The following TMTC1 variants were observed in gnomAD, a reference collection of about 807,000 sequenced individuals.
TMTC1 encodes protein O-mannosyl-transferase TMTC1.
A neutral mutation model predicts 104.8 loss-of-function variants in TMTC1; 73 were observed. That is an observed-to-expected ratio of 0.70 (90% CI 0.58 to 0.85). TMTC1 has a LOEUF of 0.85. Ranked by LOEUF, TMTC1 falls within the 40% of genes least tolerant of loss-of-function variation. TMTC1 has a pLI of 0.00. For missense variants in TMTC1, 1,035 were observed against 1,096.1 expected, an observed-to-expected ratio of 0.94 and a Z score of 0.79; for synonymous variants, 434 against 428.7, an observed-to-expected ratio of 1.01 and a Z score of -0.15.
intron 5 of TMTC1, chr12:29,661,419 A>ATTTTTTTTTTTTTTTTTTTTTTTTT (rs773889232): frequency 2.8e-6 from 1 of 355,502 alleles, no homozygotes; most frequent in African/African-American, 2.7e-5. Context: ...AGGTTAAGTA[A>ATTTTTTTTTTTTTTTTTTTTTTTTT]TTTTTTTTTT....
intron 5 of TMTC1, among the ~76,000 whole-genome samples, chr12:29,644,149 GTA>G (rs149004557): frequency 0.025 from 1,236 of 49,374 alleles, 63 homozygotes; most frequent in African/African-American, 0.074. Flanking sequence ...GTGTGTGTGT[GTA>G]TATATATATA....
intron 5 of TMTC1, among the ~76,000 whole-genome samples, chr12:29,724,796 G>C (rs921768311): frequency 3.3e-5 from 5 of 152,032 alleles, no homozygotes; most frequent in African/African-American, 9.7e-5. Flanking sequence ...GAAGAGAATG[G>C]GTTGGCAGAA....
chr12:29,759,442 A>G (rs1358042377), intron 2 of TMTC1, among the ~76,000 whole-genome samples: 1 of 152,214 alleles, frequency 6.6e-6, no homozygotes, highest in Non-Finnish European at 1.5e-5. Flanking sequence ...TGCTGCAGTG[A>G]GCTGTGATCG....
At chr12:29,599,040 G>C (rs933322453) in intron 7 of TMTC1, among the ~76,000 whole-genome samples, 9 of 152,186 alleles carry the variant, frequency 5.9e-5, no homozygotes, top group African/African-American at 1.7e-4. Flanking sequence ...ACAGGAATTT[G>C]CTCTTTGGCA....
chr12:29,665,295 T>C (rs1940233568), intron 5 of TMTC1, among the ~76,000 whole-genome samples: 1 of 152,236 alleles, frequency 6.6e-6, no homozygotes, highest in Non-Finnish European at 1.5e-5. Flanking sequence ...TCAAGGTTAT[T>C]GGCATTGTAA....
At chr12:29,729,646 C>A (rs1484593264) in intron 5 of TMTC1, among the ~76,000 whole-genome samples, 2 of 152,146 alleles carry the variant, frequency 1.3e-5, no homozygotes, top group Non-Finnish European at 2.9e-5. Flanking sequence ...GCTGTGACTT[C>A]CATGGGGTTA....
chr12:29,548,331 C>T (rs1198803007), intron 10 of TMTC1, among the ~76,000 whole-genome samples: 1 of 152,140 alleles, frequency 6.6e-6, no homozygotes, highest in Admixed American at 6.6e-5. Context: ...AAAAATGGCA[C>T]AATTATTTTG....
At chr12:29,509,241 T>G (rs180886717) in intron 17 of TMTC1, among the ~76,000 whole-genome samples, 1 of 152,342 alleles carries the variant, frequency 6.6e-6, no homozygotes, top group Admixed American at 6.5e-5. Flanking sequence ...ATAGCCTGGT[T>G]GATGCAACTC....
At position 29,657,438 on chromosome 12, in the gene TMTC1, T is replaced by C. The variant is rs142549391; in HGVS notation, c.939-24102A>G. ...GCTGGGTTAGAGAAGTCAAGCTTAA[T>C]TAAAGGATATATGAAACAAGAATTT... On this transcript the variant is annotated intron_variant, in intron 5 of 17. Transcript: ENST00000539277. Among the ~76,000 whole-genome samples, 763 of 152,316 alleles carry C rather than the reference T, an allele frequency of 5.0e-3. 6 individuals are homozygous for C. The highest frequency in any genetic ancestry group is 0.018 in the African/African-American group (739 of 41,564).
intron 5 of TMTC1, among the ~76,000 whole-genome samples, chr12:29,695,793 T>TATATATATATATATATATATA (rs1555188366): frequency 1.9e-4 from 16 of 83,786 alleles, no homozygotes; most frequent in South Asian, 3.8e-4. Flanking sequence ...TACTTCCTTT[T>TATATATATATATATATATATA]TATATATATA....
At chr12:29,508,614 C>A (rs1943752778) in intron 17 of TMTC1, among the ~76,000 whole-genome samples, 1 of 152,058 alleles carries the variant, frequency 6.6e-6, no homozygotes, top group African/African-American at 2.4e-5. Flanking sequence ...TTCTCTGTAG[C>A]CCAGGCTGGA....
chr12:29,650,110 G>C (rs1013518624), intron 5 of TMTC1, among the ~76,000 whole-genome samples: 4 of 147,876 alleles, frequency 2.7e-5, no homozygotes, highest in African/African-American at 7.5e-5. Context: ...TCTTTGAGGA[G>C]TCTCGGTCTG....
chr12:29,525,406 G>A (rs971606687), intron 11 of TMTC1, among the ~76,000 whole-genome samples: 16 of 151,574 alleles, frequency 1.1e-4, no homozygotes, highest in Non-Finnish European at 5.9e-5. Flanking sequence ...GGCTGGTCTC[G>A]AACTCCTGAC....
intron 7 of TMTC1, among the ~76,000 whole-genome samples, chr12:29,584,579 C>T (rs1381049613): frequency 2.0e-5 from 3 of 152,084 alleles, no homozygotes; most frequent in Non-Finnish European, 4.4e-5. Flanking sequence ...TCTCCTAATG[C>T]TAGCCCGCCC....
chr12:29,660,383 A>C (rs1399290086), intron 5 of TMTC1, among the ~76,000 whole-genome samples: 2 of 152,214 alleles, frequency 1.3e-5, no homozygotes, highest in African/African-American at 4.8e-5. Flanking sequence ...TGATGATCAG[A>C]AGAACCGAAA....
At chr12:29,736,348 A>C (rs1186439673) in intron 5 of TMTC1, among the ~76,000 whole-genome samples, 1 of 152,066 alleles carries the variant, frequency 6.6e-6, no homozygotes, top group African/African-American at 2.4e-5. Flanking sequence ...TACTCCCCTG[A>C]ATAACTTAAA....
intron 7 of TMTC1, among the ~76,000 whole-genome samples, chr12:29,599,414 C>T (rs1471903642): frequency 6.6e-6 from 1 of 152,156 alleles, no homozygotes. Context: ...AGCAGATAGC[C>T]TATTTCTGTC....
intron 5 of TMTC1, among the ~76,000 whole-genome samples, chr12:29,707,508 G>T (rs1232433585): frequency 6.6e-6 from 1 of 152,038 alleles, no homozygotes; most frequent in Non-Finnish European, 1.5e-5. Context: ...GTGTTACAAT[G>T]ACCCTCAGCA....
At position 29,505,558 on chromosome 12, in the gene TMTC1, T is replaced by G. The variant is rs772284204; in HGVS notation, c.*1288A>C. The G allele has an allele frequency of 6.6e-6, 1 of 152,288 alleles. No individual in the cohort carries two copies. Among genetic ancestry groups the G allele is most frequent in the Non-Finnish European group, 1.5e-5 (1 of 68,014 alleles). The allele number at this position is 152,288 out of a possible 1,614,324, so 9.4% of individuals were successfully genotyped here. Reference sequence around the variant, plus strand: ...ATAAGATCAGTTTTGAAAGCTGATATTAAAACCACTTTGTACAGAGAAAAA... The same window carrying G: ...ATAAGATCAGTTTTGAAAGCTGATAGTAAAACCACTTTGTACAGAGAAAAA... On this transcript the variant is annotated 3_prime_UTR_variant, in exon 18 of 18. Transcript: ENST00000539277.
Sources: gnomAD v4.1 joint callset for allele counts (sites outside exome capture counted in the v4.1 genomes callset) on GRCh38, gnomAD v4.1.1 for gene constraint, MANE v1.5 for transcripts, NCBI Gene and HGNC (gene_info 2026-07-23, HGNC 2026-07-21) for gene names.